Variants in KCNJ6 observed in about 807,000 individuals in gnomAD.
The protein encoded by KCNJ6 is potassium inwardly rectifying channel subfamily J member 6.
KCNJ6 carries 9 observed loss-of-function variants against 34.2 expected under a neutral mutation model. That is an observed-to-expected ratio of 0.26 (90% CI 0.16 to 0.46). The LOEUF (loss-of-function observed/expected upper bound fraction) is 0.46, where lower values mean the gene tolerates loss of function less well. Ranked by LOEUF, KCNJ6 falls within the 20% of genes least tolerant of loss-of-function variation. KCNJ6 has a pLI of 1.00. For synonymous variants in KCNJ6, 196 were observed against 207.1 expected (o/e 0.95, Z 0.46); for missense variants, 236 against 531.3 (o/e 0.44, Z 5.46).
intron 3 of KCNJ6, among the ~76,000 whole-genome samples, chr21:37,707,000 T>C (rs1787424): frequency 1 from 152,370 of 152,370 alleles, 76,185 homozygotes; most frequent in Non-Finnish European, 1. Context: ...CCACTTTCGG[T>C]AGAAATTGGA....
chr21:37,746,439 G>A (rs702865), intron 2 of KCNJ6, among the ~76,000 whole-genome samples: 21,723 of 152,214 alleles, frequency 0.14, 1,735 homozygotes, highest in Admixed American at 0.19. Flanking sequence ...GAGGCAGAGG[G>A]GAAGGGAGGT....
intron 2 of KCNJ6, among the ~76,000 whole-genome samples, chr21:37,830,240 G>A (rs1466432915): frequency 6.6e-6 from 1 of 152,170 alleles, no homozygotes; most frequent in African/African-American, 2.4e-5. Context: ...AGTGGTTCAG[G>A]TTGATCATCC....
intron 2 of KCNJ6, among the ~76,000 whole-genome samples, chr21:37,786,633 G>A (rs1300107002): frequency 6.6e-6 from 1 of 152,162 alleles, no homozygotes; most frequent in African/African-American, 2.4e-5. Flanking sequence ...TCTCATCTCT[G>A]CCTGGCTAAG....
chr21:37,720,102 T>TGGG (rs35985240), intron 2 of KCNJ6, among the ~76,000 whole-genome samples: 2 of 151,578 alleles, frequency 1.3e-5, no homozygotes, highest in African/African-American at 2.4e-5. Flanking sequence ...CAATTTTGGG[T>TGGG]GGGGGGGTTC....
chr21:37,720,702 CTTT>C (rs3061017), intron 2 of KCNJ6, among the ~76,000 whole-genome samples: 25 of 129,498 alleles, frequency 1.9e-4, no homozygotes, highest in Non-Finnish European at 2.6e-4. Context: ...ATTTTCTTTT[CTTT>C]TTTTTTTTTT....
Position 37,823,000 on chromosome 21 carries a change from G to A in KCNJ6, c.25+17658C>T, listed in dbSNP as rs553404048. 3.3e-5 allele frequency among the ~76,000 whole-genome samples: 5 copies of A among 152,300 alleles called. No homozygotes were observed. The East Asian group carries it at 9.7e-4, about 29-fold the overall frequency. On this transcript the variant is annotated intron_variant, in intron 2 of 3. Transcript: ENST00000609713. ...CAAGAGCTAAGGAAACCAGGCAAGA[G>A]ACTATAGCACCAGGGGTTAGCACAG...
At chr21:37,874,193 C>A (rs1049455746) in intron 1 of KCNJ6, among the ~76,000 whole-genome samples, 1 of 152,210 alleles carries the variant, frequency 6.6e-6, no homozygotes, top group Non-Finnish European at 1.5e-5. Flanking sequence ...GGGGAGGAGG[C>A]CTGTCTTGCT....
intron 2 of KCNJ6, among the ~76,000 whole-genome samples, chr21:37,742,198 G>C (rs563262203): frequency 1.3e-5 from 2 of 152,340 alleles, no homozygotes; most frequent in Non-Finnish European, 2.9e-5. Flanking sequence ...TATTAACCAA[G>C]TCCTGGTCAT....
intron 1 of KCNJ6, among the ~76,000 whole-genome samples, chr21:37,871,751 A>C (rs2055653449): frequency 3.3e-5 from 5 of 152,222 alleles, no homozygotes; most frequent in Admixed American, 3.3e-4. Flanking sequence ...TGCAGCATGC[A>C]ATGTGCCCAG....
At chr21:37,891,926 G>A (rs1021120190) in intron 1 of KCNJ6, among the ~76,000 whole-genome samples, 1 of 152,122 alleles carries the variant, frequency 6.6e-6, no homozygotes, top group African/African-American at 2.4e-5. Flanking sequence ...GAAGGGGTGT[G>A]GGATGGTGGG....
Position 37,714,095 on chromosome 21 carries a change from T to A in KCNJ6, c.946+116A>T. 4.0e-6 allele frequency: 3 copies of A among 749,138 alleles called. No homozygotes were observed. In the Admixed American group the frequency reaches 6.9e-5, roughly 17 times the overall value. The allele number at this position is 749,138 out of a possible 1,614,324, so 46.4% of individuals were successfully genotyped here. A position where few individuals can be genotyped will look rare whatever the true frequency, so the allele number is the denominator to read the frequency against. On this transcript the variant is annotated intron_variant, in intron 3 of 3. Coordinates refer to ENST00000609713, the MANE Select transcript of KCNJ6 (RefSeq NM_002240.5). The surrounding 1 kb of genome is among the most constrained non-coding windows in gnomAD (Gnocchi z 5.9). The stretch of plus-strand genomic sequence containing the variant: ...CATACTATGTCATGAAGCAAGGGGA[T>A]GTTGTCAATATTGAGTGAGGTTCAG...
At chr21:37,792,407 G>A (rs909766433) in intron 2 of KCNJ6, among the ~76,000 whole-genome samples, 6 of 152,130 alleles carry the variant, frequency 3.9e-5, no homozygotes, top group Admixed American at 1.3e-4. Context: ...TTCTGTGGCC[G>A]ACTGTGAAAA....
chr21:37,833,319 T>C (rs1192007260), intron 2 of KCNJ6, among the ~76,000 whole-genome samples: 1 of 152,134 alleles, frequency 6.6e-6, no homozygotes. Context: ...CCGGCTGACT[T>C]CTCGGAATTT....
intron 1 of KCNJ6, among the ~76,000 whole-genome samples, chr21:37,907,250 C>G (rs1176933016): frequency 6.6e-6 from 1 of 152,178 alleles, no homozygotes; most frequent in Non-Finnish European, 1.5e-5. Context: ...TGTGATGCTG[C>G]TTAGTCATAT....
chr21:37,737,839 G>T (rs542812603), intron 2 of KCNJ6, among the ~76,000 whole-genome samples: 1 of 152,324 alleles, frequency 6.6e-6, no homozygotes, highest in Admixed American at 6.5e-5. Flanking sequence ...AGACATTCTG[G>T]TTCTATGTTT....
intron 3 of KCNJ6, among the ~76,000 whole-genome samples, chr21:37,699,205 G>A (rs1172243660): frequency 1.3e-5 from 2 of 152,158 alleles, no homozygotes; most frequent in Non-Finnish European, 2.9e-5. Context: ...TACCAGTTCC[G>A]TAAGGGCAGG....
chr21:37,841,941 C>T (rs996171942), intron 1 of KCNJ6, among the ~76,000 whole-genome samples: 4 of 152,186 alleles, frequency 2.6e-5, no homozygotes, highest in African/African-American at 9.7e-5. Flanking sequence ...TGAGGTATGG[C>T]TTGGTCAAAA....
chr21:37,876,721 C>T (rs373379985), intron 1 of KCNJ6, among the ~76,000 whole-genome samples: 15 of 142,644 alleles, frequency 1.1e-4, no homozygotes, highest in African/African-American at 4.1e-4. Flanking sequence ...ATGAAACATA[C>T]GTGGGTGGAT....
At chr21:37,736,419 C>A (rs1358119969) in intron 2 of KCNJ6, among the ~76,000 whole-genome samples, 1 of 152,166 alleles carries the variant, frequency 6.6e-6, no homozygotes, top group Non-Finnish European at 1.5e-5. Flanking sequence ...TGTTTTGGAA[C>A]ATGATGGAGT....
Sources: allele counts gnomAD v4.1 joint callset (sites outside exome capture counted in the v4.1 genomes callset), GRCh38; gene constraint gnomAD v4.1.1; non-coding constraint Gnocchi (gnomAD v3.1); transcripts MANE v1.5; gene names NCBI Gene and HGNC (gene_info 2026-07-23, HGNC 2026-07-21).